The following BCR variants were observed in gnomAD, a reference collection of about 807,000 sequenced individuals.
BCR encodes BCR activator of RhoGEF and GTPase, also known as breakpoint cluster region protein.
In BCR, 58 loss-of-function variants were observed where a neutral mutation model predicts 138.6. The observed-to-expected ratio is 0.42, with a 90% CI of 0.34 to 0.52. The LOEUF (loss-of-function observed/expected upper bound fraction) is 0.52, where lower values mean the gene tolerates loss of function less well. Ranked by LOEUF, BCR falls within the 20% of genes least tolerant of loss-of-function variation. BCR has a pLI of 0.06. For synonymous variants in BCR, 786 were observed against 730.1 expected, an observed-to-expected ratio of 1.08 and a Z score of -1.23; for missense variants, 1,599 against 1,727.2, an observed-to-expected ratio of 0.93 and a Z score of 1.32.
Position 23,217,161 on chromosome 22 carries a change from A to G in BCR, c.1279+34922A>G, listed in dbSNP as rs900231499. The G allele has an allele frequency of 5.3e-5, 16 of 303,332 alleles. No individual in the cohort carries two copies. The Admixed American group carries it at 6.2e-4, about 12-fold the overall frequency. The allele number at this position is 303,332 out of a possible 1,614,324, so 18.8% of individuals were successfully genotyped here. ...GATTGTGGGAAAATGATCCTAGACC[A>G]TTGGTAGAGGAGGTGAGGTTGTGGA... On this transcript the variant is annotated intron_variant, in intron 1 of 22. Coordinates refer to ENST00000305877, the MANE Select transcript of BCR (RefSeq NM_004327.4).
At chr22:23,300,344 A>G (rs1432901503) in intron 16 of BCR, among the ~76,000 whole-genome samples, 2 of 152,248 alleles carry the variant, frequency 1.3e-5, no homozygotes, top group Admixed American at 6.5e-5. Context: ...ACTTAGCAGC[A>G]TGTCCTCAAG....
At chr22:23,182,383 G>A in intron 1 of BCR, 144 bp downstream of exon 1, 1 of 991,358 alleles carries the variant, frequency 1.0e-6, no homozygotes, top group Non-Finnish European at 1.4e-6. Flanking sequence ...CGCGGATCCT[G>A]CACCCGAACA....
chr22:23,285,913 G>T (rs1207139317), intron 10 of BCR, among the ~76,000 whole-genome samples: 2 of 152,252 alleles, frequency 1.3e-5, no homozygotes, highest in African/African-American at 4.8e-5. Context: ...GAAGCAGCAG[G>T]AATGCGGGAG....
intron 2 of BCR, among the ~76,000 whole-genome samples, chr22:23,255,501 C>T (rs1184988007): frequency 6.6e-6 from 1 of 152,158 alleles, no homozygotes; most frequent in African/African-American, 2.4e-5. Flanking sequence ...GCATTGTGAG[C>T]GTGGTTTGGT....
At chr22:23,274,928 AAAAG>A (rs1321639984) in intron 8 of BCR, among the ~76,000 whole-genome samples, 264 of 144,768 alleles carry the variant, frequency 1.8e-3, no homozygotes, top group African/African-American at 6.4e-3. Flanking sequence ...AAAAAAAAAA[AAAAG>A]AGAACCACCT....
chr22:23,287,741 C>T lies in BCR; in HGVS notation c.2527-356C>T, dbSNP rs131676. Among the ~76,000 whole-genome samples the T allele has an allele frequency of 1.1e-3, 164 of 152,342 alleles. 3 individuals are homozygous for T. The East Asian group carries it at 0.03, about 28-fold the overall frequency. On this transcript the variant is annotated intron_variant, in intron 11 of 22. Transcript: ENST00000305877. ...CTGGTGGGCTCTGCAGAAGCCTCAC[C>T]TCTGGGCTAGTGTGGGGCTTGTGAA...
chr22:23,276,137 C>T (rs2073573347), intron 8 of BCR, among the ~76,000 whole-genome samples: 1 of 152,154 alleles, frequency 6.6e-6, no homozygotes, highest in African/African-American at 2.4e-5. Context: ...CGGTGGCTCA[C>T]ACCTGTAATC....
At chr22:23,204,558 G>A (rs1368311482) in intron 1 of BCR, among the ~76,000 whole-genome samples, 4 of 152,214 alleles carry the variant, frequency 2.6e-5, no homozygotes, top group Non-Finnish European at 5.9e-5. Context: ...CCTTCCTGTA[G>A]GATCCTGGTT....
intron 8 of BCR, among the ~76,000 whole-genome samples, chr22:23,279,248 A>G (rs894681669): frequency 3.3e-5 from 5 of 152,204 alleles, no homozygotes; most frequent in African/African-American, 1.2e-4. Flanking sequence ...CTCTCAGGGC[A>G]TAGGAAACTT....
At chr22:23,288,526 G>A (rs1469912191) in intron 12 of BCR, among the ~76,000 whole-genome samples, 3 of 142,494 alleles carry the variant, frequency 2.1e-5, no homozygotes, top group African/African-American at 7.9e-5. Context: ...CCCCCGGCCT[G>A]CCCCCTAGTC....
Position 23,313,931 on chromosome 22 carries a change from G to T in BCR, c.3458-37G>T, listed in dbSNP as rs371507662. 1.9e-6 allele frequency: 3 copies of T among 1,565,328 alleles called. No homozygotes were observed. In the South Asian group the frequency reaches 3.3e-5, roughly 17 times the overall value. On this transcript the variant is annotated intron_variant, in intron 20 of 22. Transcript: ENST00000305877. The stretch of plus-strand genomic sequence containing the variant: ...ACACCTCGGGAGAGGTCTCTGGCTC[G>T]TTGTGACCCCAAGGAGTAACCCACC...
intron 1 of BCR, among the ~76,000 whole-genome samples, chr22:23,236,708 C>T (rs1393510133): frequency 6.6e-6 from 1 of 152,224 alleles, no homozygotes; most frequent in African/African-American, 2.4e-5. Flanking sequence ...TGGGATGTGA[C>T]TGGGTGTCTG....
intron 1 of BCR, among the ~76,000 whole-genome samples, chr22:23,193,511 T>A (rs16998450): frequency 0.03 from 4,624 of 152,324 alleles, 251 homozygotes; most frequent in African/African-American, 0.11. Context: ...CATAATTTAG[T>A]ATGGACATTT....
chr22:23,259,709 G>A (rs534522773), intron 2 of BCR, among the ~76,000 whole-genome samples: 1 of 152,198 alleles, frequency 6.6e-6, no homozygotes, highest in Non-Finnish European at 1.5e-5. Context: ...TAGAGACGGG[G>A]TTTCACCATG....
chr22:23,263,438 C>G lies in BCR; in HGVS notation c.1752+1898C>G. On this transcript the variant is annotated intron_variant, in intron 4 of 22. Transcript: ENST00000305877. ...TGTCTCAGAACTGGATAGTGGGGTG[C>G]TGCCGAGAGGGGATTCTGCTGAAGT... The G allele has an allele frequency of 1.0e-5, 14 of 1,363,992 alleles. No homozygotes were observed. In the South Asian group the frequency reaches 1.4e-4, roughly 14 times the overall value. The allele number at this position is 1,363,992 out of a possible 1,614,324, so 84.5% of individuals were successfully genotyped here.
intron 1 of BCR, among the ~76,000 whole-genome samples, chr22:23,211,521 T>A (rs2072682326): frequency 6.6e-6 from 1 of 151,442 alleles, no homozygotes; most frequent in East Asian, 1.9e-4. Context: ...AGTCTCACTC[T>A]GTTGCCCAGG....
At chr22:23,299,184 G>A (rs2079396314) in intron 16 of BCR, among the ~76,000 whole-genome samples, 1 of 151,888 alleles carries the variant, frequency 6.6e-6, no homozygotes, top group Admixed American at 6.5e-5. Context: ...TTTTAGTAGA[G>A]ATGGGGTTTC....
At chr22:23,282,873 C>G (rs1401504396) in intron 8 of BCR, among the ~76,000 whole-genome samples, 1 of 152,228 alleles carries the variant, frequency 6.6e-6, no homozygotes, top group Non-Finnish European at 1.5e-5. Flanking sequence ...CTTGGCCTCT[C>G]TGCCACGAGG....
chr22:23,290,201 G>C (rs2073769369), intron 13 of BCR, 138 bp from the exon 14 acceptor site: 1 of 845,350 alleles, frequency 1.2e-6, no homozygotes, highest in Admixed American at 1.9e-5. Context: ...TTTGGCCCAT[G>C]ACACTGGCTT....
Sources: gnomAD v4.1 joint callset for allele counts (sites outside exome capture counted in the v4.1 genomes callset) on GRCh38, gnomAD v4.1.1 for gene constraint, MANE v1.5 for transcripts, NCBI Gene and HGNC (gene_info 2026-07-23, HGNC 2026-07-21) for gene names.